The following DST variants were observed in gnomAD, a reference collection of about 807,000 sequenced individuals.
DST encodes the protein dystonin.
A neutral mutation model predicts 875.2 loss-of-function variants in DST; 253 were observed. That is an observed-to-expected ratio of 0.29 (90% CI 0.26 to 0.32). DST has a LOEUF of 0.32. DST is among the 10% of genes least tolerant of loss of function. DST has a pLI of 1.00. For missense variants in DST, 8,287 were observed against 9,111.6 expected (o/e 0.91, Z 3.68); for synonymous variants, 3,124 against 3,197.1 (o/e 0.98, Z 0.77).
chr6:56,574,693 A>G (rs1288494381), intron 50 of DST, among the ~76,000 whole-genome samples: 1 of 152,090 alleles, frequency 6.6e-6, no homozygotes, highest in African/African-American at 2.4e-5. Flanking sequence ...CTAAAGCCCT[A>G]CATGTTAACA....
intron 63 of DST, among the ~76,000 whole-genome samples, chr6:56,534,555 T>C (rs1305187742): frequency 1.3e-5 from 2 of 152,200 alleles, no homozygotes; most frequent in Admixed American, 6.5e-5. Flanking sequence ...TTTGTCTCTT[T>C]AGTAATAGGT....
At position 56,501,170 on chromosome 6, in the gene DST, T is replaced by C. The variant is rs368952446; in HGVS notation, c.19806A>G (p.Ala6602=). The change falls in exon 80 of 104, where the codon GCA becomes GCG. Residue 6602 remains alanine, a synonymous_variant. Coordinates refer to ENST00000680361, the MANE Select transcript of DST (RefSeq NM_001374736.1). ...QFQHALDELL[A]WLTHTEGLLS... ...GCAAGCCCTCGGTGTGTGTCAGCCA[T>C]GCCAGGAGCTCATCCAGGGCATGTT... is the stretch of plus-strand genomic sequence containing the variant. 3.1e-6 allele frequency: 5 copies of C among 1,612,474 alleles called. No individual in the cohort carries two copies. The African/African-American group carries it at 4.0e-5, about 13-fold the overall frequency.
intron 4 of DST, among the ~76,000 whole-genome samples, chr6:56,823,880 A>G (rs2099776014): frequency 1.3e-5 from 2 of 152,250 alleles, no homozygotes; most frequent in Admixed American, 1.3e-4. Context: ...AACCTGCAGT[A>G]GAAATTCATT....
chr6:56,645,516 A>G (rs1045998654), intron 15 of DST, among the ~76,000 whole-genome samples: 2 of 152,166 alleles, frequency 1.3e-5, no homozygotes, highest in African/African-American at 4.8e-5. Context: ...AAAAAATGTA[A>G]TAAGAAATAA....
intron 4 of DST, among the ~76,000 whole-genome samples, chr6:56,826,943 G>A (rs1191537660): frequency 6.6e-6 from 1 of 152,146 alleles, no homozygotes; most frequent in Non-Finnish European, 1.5e-5. Flanking sequence ...GTTCTTGCCA[G>A]TGCTGGATGT....
intron 68 of DST, among the ~76,000 whole-genome samples, chr6:56,526,920 T>C (rs2096811252): frequency 6.6e-6 from 1 of 152,272 alleles, no homozygotes; most frequent in Admixed American, 6.5e-5. Flanking sequence ...AAAAGTAAAA[T>C]GAAGAGGATA....
At chr6:56,565,760 C>G (rs142430529) in intron 55 of DST, among the ~76,000 whole-genome samples, 1,627 of 152,302 alleles carry the variant, frequency 0.011, 28 homozygotes, top group African/African-American at 0.037. Context: ...TCAGAGCCAG[C>G]AGGCAGGGAT....
At chr6:56,589,928 T>A (rs556817858) in intron 49 of DST, among the ~76,000 whole-genome samples, 1 of 152,356 alleles carries the variant, frequency 6.6e-6, no homozygotes, top group Admixed American at 6.5e-5. Flanking sequence ...GTATGCTACA[T>A]GTAGAAAGAT....
intron 39 of DST, 116 bp downstream of exon 39, chr6:56,610,311 A>G (rs1369824307): frequency 1.7e-5 from 13 of 781,650 alleles, no homozygotes; most frequent in Non-Finnish European, 2.3e-5. Flanking sequence ...CTCAATCCCT[A>G]TTTTAACTAC....
At chr6:56,461,722 C>T (rs1322162812) in intron 102 of DST, 5 of 152,194 alleles carry the variant, frequency 3.3e-5, no homozygotes, top group African/African-American at 1.2e-4. Flanking sequence ...AGCATCATAG[C>T]CTTCAATATT....
intron 5 of DST, among the ~76,000 whole-genome samples, chr6:56,707,110 A>G (rs568559549): frequency 5.9e-5 from 9 of 152,298 alleles, no homozygotes; most frequent in South Asian, 2.1e-4. Flanking sequence ...GGCTGGCCCA[A>G]TGCTCGCCTC....
At position 56,762,502 on chromosome 6, in the gene DST, A is replaced by G. The variant is rs2099619607; in HGVS notation, c.626-27213T>C. The stretch of plus-strand genomic sequence containing the variant: ...TTGGGAATGGCTGCCCGCACTCACA[A>G]TTCGTACTGCATCCCTTGATATTAT... On this transcript the variant is annotated intron_variant, in intron 4 of 103. Transcript: ENST00000680361. Among the ~76,000 whole-genome samples, 3 of 152,296 alleles carry G rather than the reference A, an allele frequency of 2.0e-5. No homozygotes were observed. The South Asian group carries it at 6.2e-4, about 32-fold the overall frequency.
intron 37 of DST, among the ~76,000 whole-genome samples, chr6:56,612,433 A>G (rs1319097026): frequency 6.6e-6 from 1 of 152,226 alleles, no homozygotes. Context: ...CCACTTTGTA[A>G]AAGTCATCTG....
At chr6:56,861,272 C>T (rs746572014) in intron 3 of DST, among the ~76,000 whole-genome samples, 63 of 152,184 alleles carry the variant, frequency 4.1e-4, no homozygotes, top group Non-Finnish European at 7.5e-4. Flanking sequence ...CTCCCACTGC[C>T]CTCTTCTGAG....
At chr6:56,791,224 A>T (rs1239268005) in intron 4 of DST, among the ~76,000 whole-genome samples, 1 of 152,214 alleles carries the variant, frequency 6.6e-6, no homozygotes, top group Non-Finnish European at 1.5e-5. Context: ...GCACCACTGC[A>T]CTCCAGCCTG....
chr6:56,710,074 G>A (rs532174211), intron 5 of DST, among the ~76,000 whole-genome samples: 1 of 152,220 alleles, frequency 6.6e-6, no homozygotes, highest in Admixed American at 6.5e-5. Context: ...ACAGAATGAG[G>A]CCATAATATC....
At chr6:56,485,152 C>T (rs2095519795) in intron 88 of DST, 160 bp downstream of exon 88, 4 of 731,484 alleles carry the variant, frequency 5.5e-6, no homozygotes, top group Non-Finnish European at 8.5e-6. Flanking sequence ...AAGTTTGCTT[C>T]CAGGTTCTGC....
intron 64 of DST, among the ~76,000 whole-genome samples, chr6:56,531,269 T>C (rs1327813693): frequency 1.3e-5 from 2 of 152,192 alleles, no homozygotes; most frequent in Non-Finnish European, 2.9e-5. Flanking sequence ...GCATGAATCA[T>C]AACCATTACC....
In DST at chr6:56,460,204, C is replaced by A; in HGVS notation, c.23121G>T (p.Gly7707=). 1 of 1,614,002 alleles carries A rather than the reference C, an allele frequency of 6.2e-7. No individual in the cohort carries two copies. The highest frequency in any genetic ancestry group is 1.7e-5 in the Admixed American group (1 of 60,018). ...SKLRLPGYLS[G]KGFHSGEDSG... is the part of the protein sequence containing the mutation. Reference sequence around the variant, plus strand: ...TGTCCTCCCCAGAGTGGAAGCCTTTCCCTGATAAATATCCTGGAAGTCGAA... The same window carrying A: ...TGTCCTCCCCAGAGTGGAAGCCTTTACCTGATAAATATCCTGGAAGTCGAA... Residue 7707 remains glycine (G), a synonymous_variant, in exon 103 of 104, where the codon GGG becomes GGT. Transcript: ENST00000680361.
Sources: gnomAD v4.1 joint callset for allele counts (sites outside exome capture counted in the v4.1 genomes callset) on GRCh38, gnomAD v4.1.1 for gene constraint, MANE v1.5 for transcripts, NCBI Gene and HGNC (gene_info 2026-07-23, HGNC 2026-07-21) for gene names.